DTNB: variants seen among roughly 807,000 people sequenced by gnomAD.
The protein encoded by DTNB is dystrobrevin beta, also known as DTN-B.
DTNB carries 63 observed loss-of-function variants against 90.7 expected under a neutral mutation model. The observed-to-expected ratio is 0.69, with a 90% confidence interval of 0.57 to 0.86. The LOEUF (loss-of-function observed/expected upper bound fraction) is 0.86, where lower values mean the gene tolerates loss of function less well. DTNB is among the 40% of genes least tolerant of loss of function. The pLI is 0.00. For synonymous variants in DTNB, 277 were observed against 286.7 expected (o/e 0.97, Z 0.34); for missense variants, 744 against 807.1 (o/e 0.92, Z 0.95).
intron 4 of DTNB, among the ~76,000 whole-genome samples, chr2:25,616,252 AT>A (rs1430522787): frequency 1.3e-5 from 2 of 152,206 alleles, no homozygotes; most frequent in Non-Finnish European, 2.9e-5. Context: ...GACTTACCTC[AT>A]TAATACCCAT....
intron 1 of DTNB, among the ~76,000 whole-genome samples, chr2:25,673,134 C>A (rs916828459): frequency 6.6e-6 from 1 of 151,732 alleles, no homozygotes; most frequent in Non-Finnish European, 1.5e-5. Flanking sequence ...CCCGATACCC[C>A]TCCCGGCCCG....
chr2:25,663,155 A>G (rs1219908166), intron 1 of DTNB, among the ~76,000 whole-genome samples: 1 of 151,802 alleles, frequency 6.6e-6, no homozygotes, highest in Non-Finnish European at 1.5e-5. Flanking sequence ...GAGTGAGAAC[A>G]TGCGGTATTC....
chr2:25,588,823 G>A (rs1287671619), intron 6 of DTNB, among the ~76,000 whole-genome samples: 1 of 152,118 alleles, frequency 6.6e-6, no homozygotes, highest in African/African-American at 2.4e-5. Flanking sequence ...AGGTATCATT[G>A]GCTATATATC....
chr2:25,423,523 G>A (rs926881174), intron 15 of DTNB, among the ~76,000 whole-genome samples: 4 of 152,156 alleles, frequency 2.6e-5, no homozygotes, highest in African/African-American at 7.2e-5. Flanking sequence ...ACTGTGAGAT[G>A]TATTTTAATT....
chr2:25,505,167 C>A (rs1171895236), intron 9 of DTNB, among the ~76,000 whole-genome samples: 2 of 152,152 alleles, frequency 1.3e-5, no homozygotes, highest in East Asian at 3.8e-4. Flanking sequence ...CTGGCATCCA[C>A]GTCACTGCTA....
rs548357886 is a variant in DTNB, at chr2:25,393,572, C to T, written c.1576-5211G>A. ...AATTATTGTACACAAATCAGTAGCT[C>T]TGCTATATATCAACAGCGACCAAGC... On this transcript the variant is annotated intron_variant, in intron 16 of 20. Transcript: ENST00000406818. Among the ~76,000 whole-genome samples, 3 of 152,226 alleles carry T rather than the reference C, an allele frequency of 2.0e-5. No individual in the cohort carries two copies. The South Asian group carries it at 6.2e-4, about 32-fold the overall frequency.
chr2:25,633,544 C>T (rs1439383150), intron 3 of DTNB, among the ~76,000 whole-genome samples: 1 of 152,074 alleles, frequency 6.6e-6, no homozygotes, highest in African/African-American at 2.4e-5. Context: ...CCTGCCTTGG[C>T]CCCCCAAAGT....
intron 6 of DTNB, among the ~76,000 whole-genome samples, chr2:25,592,503 A>G (rs1017006006): frequency 2.6e-5 from 4 of 152,132 alleles, no homozygotes; most frequent in Non-Finnish European, 5.9e-5. Context: ...AAACGCATCT[A>G]ATTTCTCTTG....
At chr2:25,400,313 T>C (rs2043396994) in intron 16 of DTNB, among the ~76,000 whole-genome samples, 1 of 152,136 alleles carries the variant, frequency 6.6e-6, no homozygotes, top group Admixed American at 6.5e-5. Flanking sequence ...ACACTAAAAA[T>C]CAAGATGGAG....
chr2:25,556,170 CTTTTTTTTTTT>C (rs60714399), intron 8 of DTNB, among the ~76,000 whole-genome samples: 1 of 105,566 alleles, frequency 9.5e-6, no homozygotes, highest in Admixed American at 1.1e-4. Context: ...GGCCATCTCT[CTTTTTTTTTTT>C]TTTTTTTTTT....
chr2:25,418,942 C>T (rs1246230453), intron 16 of DTNB, among the ~76,000 whole-genome samples: 2 of 152,134 alleles, frequency 1.3e-5, no homozygotes, highest in Non-Finnish European at 2.9e-5. Context: ...AAACACCATG[C>T]AATAGCCACA....
intron 14 of DTNB, among the ~76,000 whole-genome samples, chr2:25,428,254 A>C (rs1016374226): frequency 6.6e-6 from 1 of 152,066 alleles, no homozygotes; most frequent in Non-Finnish European, 1.5e-5. Flanking sequence ...TCATGGTTGA[A>C]AAACTCAGTC....
intron 14 of DTNB, among the ~76,000 whole-genome samples, chr2:25,431,380 G>A (rs965224018): frequency 5.3e-5 from 8 of 152,100 alleles, no homozygotes; most frequent in Admixed American, 5.2e-4. Flanking sequence ...ATCTGGTGTC[G>A]GTTTTTGTAA....
chr2:25,605,795 A>G (rs1421451003), intron 5 of DTNB, among the ~76,000 whole-genome samples: 1 of 152,192 alleles, frequency 6.6e-6, no homozygotes, highest in Non-Finnish European at 1.5e-5. Flanking sequence ...TGTTTGATGA[A>G]ATATACTTTC....
chr2:25,611,963 T>C (rs78045023), intron 4 of DTNB, among the ~76,000 whole-genome samples: 2 of 152,278 alleles, frequency 1.3e-5, no homozygotes, highest in South Asian at 2.1e-4. Context: ...CTATACCAAG[T>C]AGGCCCTTTA....
intron 12 of DTNB, among the ~76,000 whole-genome samples, chr2:25,439,665 G>A (rs1033013837): frequency 1.3e-5 from 2 of 152,108 alleles, no homozygotes; most frequent in East Asian, 3.8e-4. Context: ...ATGAAAGTAG[G>A]GAGACGAATT....
chr2:25,491,148 C>CAG (rs1553453705), intron 9 of DTNB, among the ~76,000 whole-genome samples: 4 of 30,978 alleles, frequency 1.3e-4, no homozygotes, highest in Admixed American at 7.4e-4. Context: ...CACACACACA[C>CAG]ACACACACAG....
chr2:25,595,545 C>T (rs1045860970), intron 6 of DTNB, among the ~76,000 whole-genome samples: 1 of 152,082 alleles, frequency 6.6e-6, no homozygotes, highest in Non-Finnish European at 1.5e-5. Flanking sequence ...TAGGTGTAGA[C>T]GGTTCTCTGA....
intron 3 of DTNB, among the ~76,000 whole-genome samples, chr2:25,630,680 A>G (rs769960304): frequency 6.6e-6 from 1 of 151,996 alleles, no homozygotes; most frequent in Non-Finnish European, 1.5e-5. Context: ...CCCCATCTCT[A>G]CTAAAAATAC....
Sources: allele counts gnomAD v4.1 joint callset (sites outside exome capture counted in the v4.1 genomes callset), GRCh38; gene constraint gnomAD v4.1.1; transcripts MANE v1.5; gene names NCBI Gene and HGNC (gene_info 2026-07-23, HGNC 2026-07-21).